The following MEGF11 variants were observed in gnomAD, a reference collection of about 807,000 sequenced individuals.
MEGF11 encodes multiple EGF like domains 11.
Under a neutral mutation model 146.6 loss-of-function variants are expected in MEGF11, and 126 were observed. The observed-to-expected ratio is 0.86, with a 90% confidence interval of 0.74 to 1.00. The LOEUF (loss-of-function observed/expected upper bound fraction) is 1.00, where lower values mean the gene tolerates loss of function less well. Among genes scored for constraint, MEGF11 ranks in the 50% least tolerant of loss-of-function variants. The pLI, the probability that MEGF11 is intolerant of heterozygous loss-of-function variation, is 0.00. For missense variants in MEGF11, 1,509 were observed against 1,521.2 expected (o/e 0.99, Z 0.13); for synonymous variants, 532 against 583.4 (o/e 0.91, Z 1.27).
rs866990513 is a variant in MEGF11, at chr15:66,065,478, C to T, written c.394+28924G>A. Among the ~76,000 whole-genome samples the T allele has an allele frequency of 5.3e-5, 8 of 152,230 alleles. No individual in the cohort carries two copies. In the South Asian group the frequency reaches 6.2e-4, roughly 12 times the overall value. ...TCTGAGGGTCCACTGCACTGGGGTC[C>T]GCACTGGTTGGGGGATGGGCTAACT... On this transcript the variant is annotated intron_variant, in intron 5 of 25. Coordinates refer to ENST00000395614, the MANE Select transcript of MEGF11 (RefSeq NM_001385028.1).
intron 7 of MEGF11, 119 bp from the exon 8 acceptor site, chr15:65,970,808 G>A (rs1567182866): frequency 8.4e-7 from 1 of 1,185,776 alleles, no homozygotes; most frequent in East Asian, 2.6e-5. Flanking sequence ...AGTTCAGACA[G>A]CTGGACACCA....
chr15:66,215,302 G>GA (rs1379996320), intron 1 of MEGF11, among the ~76,000 whole-genome samples: 3 of 151,998 alleles, frequency 2.0e-5, no homozygotes, highest in Non-Finnish European at 4.4e-5. Flanking sequence ...GCAAGGAGTG[G>GA]AAAAAAGAGG....
intron 7 of MEGF11, among the ~76,000 whole-genome samples, chr15:65,971,994 G>A (rs915494215): frequency 6.6e-6 from 1 of 152,122 alleles, no homozygotes; most frequent in African/African-American, 2.4e-5. Flanking sequence ...TATAAAATAG[G>A]ATATCCAGAG....
chr15:66,104,963 C>T (rs924248586), intron 4 of MEGF11, among the ~76,000 whole-genome samples: 7 of 152,128 alleles, frequency 4.6e-5, no homozygotes, highest in African/African-American at 9.6e-5. Context: ...GCTTAGTGCC[C>T]GGGTACTGCA....
At chr15:66,063,889 T>C (rs1343251604) in intron 5 of MEGF11, among the ~76,000 whole-genome samples, 2 of 152,238 alleles carry the variant, frequency 1.3e-5, no homozygotes, top group Non-Finnish European at 2.9e-5. Context: ...TGATTGGGTA[T>C]GACTATCCTT....
At chr15:66,081,504 A>T (rs2085853702) in intron 5 of MEGF11, among the ~76,000 whole-genome samples, 1 of 152,074 alleles carries the variant, frequency 6.6e-6, no homozygotes. Context: ...TTAGCCTTCC[A>T]AGTAGCTGGG....
intron 1 of MEGF11, among the ~76,000 whole-genome samples, chr15:66,193,971 C>T (rs1013486364): frequency 2.0e-5 from 3 of 152,084 alleles, no homozygotes; most frequent in Admixed American, 2.0e-4. Flanking sequence ...AGTAGATCTA[C>T]CATTTGATCC....
At chr15:66,048,857 A>T (rs1402996735) in intron 5 of MEGF11, among the ~76,000 whole-genome samples, 1 of 152,018 alleles carries the variant, frequency 6.6e-6, no homozygotes, top group Non-Finnish European at 1.5e-5. Context: ...TCTGCTCAGC[A>T]CTCCACAGGC....
intron 1 of MEGF11, among the ~76,000 whole-genome samples, chr15:66,150,586 A>G (rs1268747899): frequency 6.6e-6 from 1 of 151,620 alleles, no homozygotes; most frequent in East Asian, 1.9e-4. Flanking sequence ...TGACTTACAC[A>G]TAGTAGGCAT....
intron 1 of MEGF11, among the ~76,000 whole-genome samples, chr15:66,243,333 G>C (rs2092246723): frequency 6.6e-6 from 1 of 152,234 alleles, no homozygotes; most frequent in Non-Finnish European, 1.5e-5. Flanking sequence ...TGGGATCAGA[G>C]AGGGGCTAAG....
intron 1 of MEGF11, among the ~76,000 whole-genome samples, chr15:66,168,664 A>G (rs1197948348): frequency 3.9e-5 from 6 of 152,230 alleles, no homozygotes; most frequent in Admixed American, 3.9e-4. Flanking sequence ...TGGATATAAC[A>G]GGTTAAAGAA....
At chr15:66,252,484 G>A (rs1248619662) in intron 1 of MEGF11, among the ~76,000 whole-genome samples, 1 of 152,148 alleles carries the variant, frequency 6.6e-6, no homozygotes, top group Non-Finnish European at 1.5e-5. Flanking sequence ...TCGGGAGACA[G>A]TCACACTGGC....
At position 66,069,160 on chromosome 15, in the gene MEGF11, T is replaced by C. The variant is rs562538914; in HGVS notation, c.394+25242A>G. ...TTGCAGTTTTGCCATTAAAAGTAAT[T>C]GCAAAAAAGTACTTAGAGACCACAA... On this transcript the variant is annotated intron_variant, in intron 5 of 25. Transcript: ENST00000395614. Among the ~76,000 whole-genome samples, 5 of 150,704 alleles carry C rather than the reference T, an allele frequency of 3.3e-5. No homozygotes were observed. The South Asian group carries it at 1.1e-3, about 32-fold the overall frequency.
intron 5 of MEGF11, among the ~76,000 whole-genome samples, chr15:66,057,460 G>A (rs879591786): frequency 3.3e-5 from 5 of 152,092 alleles, no homozygotes; most frequent in African/African-American, 4.8e-5. Flanking sequence ...GCAGCATCCC[G>A]TAGGATACCT....
intron 15 of MEGF11, chr15:65,922,000 G>A (rs774219830): frequency 8.5e-5 from 25 of 294,428 alleles, no homozygotes; most frequent in Middle Eastern, 1.1e-3. Flanking sequence ...CTTGGCACTC[G>A]GCACAGACCA....
At chr15:66,124,980 A>G (rs530651615) in intron 2 of MEGF11, among the ~76,000 whole-genome samples, 4 of 152,222 alleles carry the variant, frequency 2.6e-5, no homozygotes, top group Non-Finnish European at 5.9e-5. Context: ...CCTGGGCCAG[A>G]TGGCCGGGTC....
chr15:66,237,045 T>C (rs1023895019), intron 1 of MEGF11, among the ~76,000 whole-genome samples: 2 of 152,168 alleles, frequency 1.3e-5, no homozygotes, highest in Admixed American at 6.5e-5. Flanking sequence ...CCCGGGCTGT[T>C]GGAATCCTGG....
intron 1 of MEGF11, among the ~76,000 whole-genome samples, chr15:66,211,963 C>G (rs886884658): frequency 0.01 from 2 of 192 alleles, no homozygotes; most frequent in Non-Finnish European, 0.028. Context: ...TCAAAACTCT[C>G]AAGACTCAAA....
intron 1 of MEGF11, among the ~76,000 whole-genome samples, chr15:66,218,892 A>C (rs1477802): frequency 0.99 from 149,735 of 150,904 alleles, 74,301 homozygotes; most frequent in Middle Eastern, 1. Flanking sequence ...GTGCCTGTTT[A>C]CCACACCACA....
Sources: allele counts gnomAD v4.1 joint callset (sites outside exome capture counted in the v4.1 genomes callset), GRCh38; gene constraint gnomAD v4.1.1; transcripts MANE v1.5; gene names NCBI Gene and HGNC (gene_info 2026-07-23, HGNC 2026-07-21).